IL17RD: variants seen among roughly 807,000 people sequenced by gnomAD.
IL17RD encodes interleukin-17 receptor D.
In IL17RD, 52 loss-of-function variants were observed where a neutral mutation model predicts 80.5. That is an observed-to-expected ratio of 0.65 (90% CI 0.52 to 0.81). The LOEUF (loss-of-function observed/expected upper bound fraction) is 0.81. Among genes scored for constraint, IL17RD ranks in the 40% least tolerant of loss-of-function variants. The probability of loss-of-function intolerance (pLI) is 0.00; values close to 1 mark genes in which losing one functional copy is unlikely to be tolerated. For synonymous variants in IL17RD, 416 were observed against 391.8 expected (o/e 1.06, Z -0.73); for missense variants, 1,024 against 955.1 (o/e 1.07, Z -0.95).
chr3:57,167,775 T>A (rs1009726487), upstream of IL17RD, among the ~76,000 whole-genome samples: 1 of 152,238 alleles, frequency 6.6e-6, no homozygotes, highest in African/African-American at 2.4e-5. Flanking sequence ...AATTGGCTTC[T>A]CTGGTTGCGA....
intron 11 of IL17RD, among the ~76,000 whole-genome samples, chr3:57,098,829 TTTGGCACC>T (rs1706762214): frequency 6.6e-6 from 1 of 152,204 alleles, no homozygotes; most frequent in South Asian, 2.1e-4. Context: ...GCGCAGTGCT[TTTGGCACC>T]TTGCCCAAGT....
At chr3:57,164,753 C>A (rs530486199) in intron 1 of IL17RD, among the ~76,000 whole-genome samples, 1 of 152,182 alleles carries the variant, frequency 6.6e-6, no homozygotes, top group Non-Finnish European at 1.5e-5. Flanking sequence ...GAGAATACCC[C>A]CTTCCCTCTC....
In IL17RD at chr3:57,097,874, A is replaced by T; in HGVS notation, c.1829T>A (p.Leu610His). 6.2e-7 allele frequency: 1 copy of T among 1,613,866 alleles called. No individual in the cohort carries two copies. Among genetic ancestry groups the T allele is most frequent in the Non-Finnish European group, 8.5e-7 (1 of 1,179,872 alleles). Residue 610 changes from leucine to histidine, a missense_variant, in exon 12 of 13, where the codon CTT (leucine) becomes CAT (histidine). Transcript: ENST00000296318. The stretch of plus-strand genomic sequence containing the variant: ...GGAGTCGGCTGGTCCGGTTGCCCCA[A>T]GAACAGCCGCCTCTACCTTTAGGCA... ...DFCLKVEAAV[L>H]GATGPADSQH...
intron 1 of IL17RD, among the ~76,000 whole-genome samples, chr3:57,146,820 C>CT (rs761583197): frequency 0.18 from 18,509 of 101,222 alleles, 2,394 homozygotes; most frequent in East Asian, 0.51. Flanking sequence ...GAGAGGTATT[C>CT]TTTTTTTTTT....
At chr3:57,108,535 A>G (rs1165849839) in intron 5 of IL17RD, among the ~76,000 whole-genome samples, 1 of 11,760 alleles carries the variant, frequency 8.5e-5, no homozygotes, top group Non-Finnish European at 1.8e-4. Context: ...TTTTTTTTTT[A>G]GATGGAGGTT....
rs1707170225 is a variant in IL17RD at position 57,114,629 on chromosome 3, G to C, written c.310+63C>G. 1.3e-5 allele frequency: 20 copies of C among 1,482,542 alleles called. No individual in the cohort carries two copies. The South Asian group carries it at 2.7e-4, about 20-fold the overall frequency. 91.8% of individuals were successfully genotyped at this position (1,482,542 alleles called of 1,614,324 possible). A position where few individuals can be genotyped will look rare whatever the true frequency, so the allele number is the denominator to read the frequency against. On this transcript the variant is annotated intron_variant, in intron 3 of 12. Coordinates refer to ENST00000296318, the MANE Select transcript of IL17RD (RefSeq NM_017563.5). ...CTGGTTCCTGGAGACCATCATGTGG[G>C]ACCTTTGCACTGGGCCCTATCCACC...
At chr3:57,110,469 C>A (rs544495333) in intron 3 of IL17RD, among the ~76,000 whole-genome samples, 158 bp from the exon 4 acceptor site, 3 of 152,184 alleles carry the variant, frequency 2.0e-5, no homozygotes, top group South Asian at 2.1e-4. Context: ...AAAAAACACA[C>A]CCCCTGCATT....
At chr3:57,127,196 ATAAATATATAT>A (rs1707478619) in intron 1 of IL17RD, among the ~76,000 whole-genome samples, 1 of 121,748 alleles carries the variant, frequency 8.2e-6, no homozygotes, top group African/African-American at 4.1e-5. Context: ...ATATATATAT[ATAAATATATAT>A]AAAAATATAT....
chr3:57,165,407 C>A, upstream of IL17RD: 1 of 809,132 alleles, frequency 1.2e-6, no homozygotes, highest in Non-Finnish European at 1.6e-6. Context: ...ACTGGGCATG[C>A]GTTGCCAGCC....
intron 3 of IL17RD, among the ~76,000 whole-genome samples, chr3:57,111,511 T>G (rs550765248): frequency 2.6e-5 from 4 of 152,272 alleles, no homozygotes; most frequent in Admixed American, 2.0e-4. Flanking sequence ...CAACAACTAT[T>G]TTAGATCTCG....
At chr3:57,146,961 A>G (rs1707944251) in intron 1 of IL17RD, among the ~76,000 whole-genome samples, 1 of 149,070 alleles carries the variant, frequency 6.7e-6, no homozygotes, top group African/African-American at 2.5e-5. Flanking sequence ...AGCTGGGATT[A>G]CAGGTGCCCA....
chr3:57,133,215 T>C (rs1707649586), intron 1 of IL17RD, among the ~76,000 whole-genome samples: 2 of 152,232 alleles, frequency 1.3e-5, no homozygotes, highest in Admixed American at 1.3e-4. Flanking sequence ...CTTTTACCTT[T>C]TGCCAAACTA....
At chr3:57,106,063 T>C (rs1482221404) in intron 6 of IL17RD, 47 bp downstream of exon 6, 1 of 1,610,388 alleles carries the variant, frequency 6.2e-7, no homozygotes, top group Non-Finnish European at 8.5e-7. Flanking sequence ...AACACCATCA[T>C]AGTGGCGATA....
chr3:57,102,000 C>T (rs1706840803), intron 10 of IL17RD, among the ~76,000 whole-genome samples: 1 of 55,212 alleles, frequency 1.8e-5, no homozygotes. Flanking sequence ...TGTCTCATGC[C>T]TGTAATCCCA....
intron 1 of IL17RD, among the ~76,000 whole-genome samples, chr3:57,163,043 G>T (rs146293918): frequency 2.0e-5 from 3 of 152,322 alleles, no homozygotes; most frequent in African/African-American, 7.2e-5. Flanking sequence ...TCCGGAGTTA[G>T]GAGCAGGATG....
At chr3:57,150,838 A>G (rs565761100) in intron 1 of IL17RD, among the ~76,000 whole-genome samples, 1 of 152,330 alleles carries the variant, frequency 6.6e-6, no homozygotes, top group East Asian at 1.9e-4. Context: ...CTTCTCAGAA[A>G]ACCTCCTCTG....
chr3:57,094,880 C>G lies in IL17RD; in HGVS notation c.*1513G>C, dbSNP rs1028860734. ...CTTGATGCCAGAGAACAGACGAGCA[C>G]GTTCTTTTCCCAAAAAGCTGCCAGC... On this transcript the variant is annotated 3_prime_UTR_variant, in exon 13 of 13. Transcript: ENST00000296318. 1 of 152,646 alleles carries G rather than the reference C, an allele frequency of 6.6e-6. No homozygotes were observed. The highest frequency in any genetic ancestry group is 2.4e-5 in the African/African-American group (1 of 41,460). 9.5% of individuals were successfully genotyped at this position (152,646 alleles called of 1,614,324 possible).
Position 57,109,565 on chromosome 3 carries a change from A to G in IL17RD, c.522T>C (p.Asn174=), listed in dbSNP as rs1579270060. The change falls in exon 5 of 13, where the codon AAT becomes AAC. Residue 174 remains asparagine, a synonymous_variant. Coordinates refer to ENST00000296318, the MANE Select transcript of IL17RD (RefSeq NM_017563.5). ...GGGTTCTAAAGAAGAAAGGGTGGTA[A>G]TTGCTTTCGTTTTTAATGGAAGGAA... ...VPFPSIKNES[N]YHPFFFRTRA... 1 of 1,613,878 alleles carries G rather than the reference A, an allele frequency of 6.2e-7. No individual in the cohort carries two copies. Among genetic ancestry groups the G allele is most frequent in the African/African-American group, 1.3e-5 (1 of 75,052 alleles).
At chr3:57,143,546 CT>C (rs1433841152) in intron 1 of IL17RD, among the ~76,000 whole-genome samples, 1 of 152,250 alleles carries the variant, frequency 6.6e-6, no homozygotes, top group Non-Finnish European at 1.5e-5. Flanking sequence ...AGGCAGGAGG[CT>C]GGGGAGCTGT....
Sources: gnomAD v4.1 joint callset for allele counts (sites outside exome capture counted in the v4.1 genomes callset) on GRCh38, gnomAD v4.1.1 for gene constraint, MANE v1.5 for transcripts, NCBI Gene and HGNC (gene_info 2026-07-23, HGNC 2026-07-21) for gene names.